Variants in KAZN observed in about 807,000 individuals in gnomAD.
The protein encoded by KAZN is kazrin.
In KAZN, 40 loss-of-function variants were observed where a neutral mutation model predicts 87.4. The ratio of observed to expected loss-of-function variants is 0.46; its 90% confidence interval spans 0.36 to 0.60. The LOEUF (loss-of-function observed/expected upper bound fraction) is 0.60. KAZN is among the 20% of genes least tolerant of loss of function. KAZN has a pLI of 0.00. For synonymous variants in KAZN, 466 were observed against 458.3 expected (o/e 1.02, Z -0.22); for missense variants, 898 against 1,073.9 (o/e 0.84, Z 2.29).
At chr1:14,479,738 C>T (rs1668964835) in intron 2 of KAZN, among the ~76,000 whole-genome samples, 1 of 152,138 alleles carries the variant, frequency 6.6e-6, no homozygotes, top group Non-Finnish European at 1.5e-5. Context: ...GTGGCATGAT[C>T]CCCTTCCTCT....
At chr1:14,209,169 C>T (rs1249773289) in intron 2 of KAZN, among the ~76,000 whole-genome samples, 1 of 152,216 alleles carries the variant, frequency 6.6e-6, no homozygotes, top group East Asian at 1.9e-4. Context: ...ATCCCTCCTT[C>T]GTGCTGACCC....
intron 2 of KAZN, among the ~76,000 whole-genome samples, chr1:14,387,027 T>C (rs1661973552): frequency 6.6e-6 from 1 of 152,310 alleles, no homozygotes; most frequent in East Asian, 1.9e-4. Flanking sequence ...TTTATTTTTT[T>C]CTCTAAACTT....
chr1:14,132,623 GAGCAAAATCAA>G (rs1645014775), intron 1 of KAZN, among the ~76,000 whole-genome samples: 1 of 152,218 alleles, frequency 6.6e-6, no homozygotes, highest in Admixed American at 6.5e-5. Flanking sequence ...GCATGCTGGA[GAGCAAAATCAA>G]CAAGCATTCA....
chr1:14,165,136 C>G (rs1229704999), intron 1 of KAZN, among the ~76,000 whole-genome samples: 1 of 151,878 alleles, frequency 6.6e-6, no homozygotes, highest in African/African-American at 2.4e-5. Flanking sequence ...GTGTACATAG[C>G]TAGTTTTATG....
chr1:14,290,619 G>A (rs781133253), intron 2 of KAZN, among the ~76,000 whole-genome samples: 7 of 152,132 alleles, frequency 4.6e-5, no homozygotes, highest in Non-Finnish European at 8.8e-5. Context: ...CGATGGGTTT[G>A]AACATCCTCC....
chr1:14,646,225 C>CA (rs1194859188), intron 1 of KAZN, among the ~76,000 whole-genome samples: 1 of 152,076 alleles, frequency 6.6e-6, no homozygotes, highest in African/African-American at 2.4e-5. Flanking sequence ...TTATACATCT[C>CA]AAAAAACATC....
intron 1 of KAZN, among the ~76,000 whole-genome samples, chr1:14,100,229 A>T (rs1172977248): frequency 6.6e-6 from 1 of 151,946 alleles, no homozygotes; most frequent in East Asian, 1.9e-4. Flanking sequence ...TAAATCCCCC[A>T]CTTGAGGTGG....
chr1:14,426,411 C>G (rs1490012680), intron 2 of KAZN, among the ~76,000 whole-genome samples: 9 of 152,196 alleles, frequency 5.9e-5, no homozygotes, highest in African/African-American at 2.2e-4. Context: ...AGATTGTACA[C>G]TTCATGAGGG....
chr1:14,267,685 A>G (rs1651601069), intron 2 of KAZN, among the ~76,000 whole-genome samples: 1 of 152,212 alleles, frequency 6.6e-6, no homozygotes, highest in Non-Finnish European at 1.5e-5. Flanking sequence ...CAGAAAAGCT[A>G]TAATGTGTGC....
chr1:13,923,572 CA>C (rs58947999), intron 1 of KAZN, among the ~76,000 whole-genome samples: 2,927 of 55,896 alleles, frequency 0.052, 64 homozygotes, highest in African/African-American at 0.17. Flanking sequence ...GACTCCATCT[CA>C]AAAAAAAAAA....
At chr1:14,685,935 G>A (rs1044506635) in intron 1 of KAZN, among the ~76,000 whole-genome samples, 1 of 152,212 alleles carries the variant, frequency 6.6e-6, no homozygotes, top group East Asian at 1.9e-4. Context: ...CTGATCATTG[G>A]TGAAGAAACT....
chr1:14,751,719 T>C (rs1411972617), intron 1 of KAZN, among the ~76,000 whole-genome samples: 1 of 152,174 alleles, frequency 6.6e-6, no homozygotes, highest in East Asian at 1.9e-4. Context: ...GGCTATGGAA[T>C]GGCAAATGCT....
intron 2 of KAZN, among the ~76,000 whole-genome samples, chr1:14,392,255 G>C (rs1557685613): frequency 6.6e-6 from 1 of 152,124 alleles, no homozygotes; most frequent in Non-Finnish European, 1.5e-5. Flanking sequence ...GTTTTAGAAA[G>C]AAAAGGTAAG....
chr1:14,408,939 C>A (rs1664084584), intron 2 of KAZN, among the ~76,000 whole-genome samples: 1 of 151,830 alleles, frequency 6.6e-6, no homozygotes, highest in Non-Finnish European at 1.5e-5. Context: ...GAGATGGGGT[C>A]AGGAAGGATC....
At chr1:14,791,273 G>T (rs528201072) in intron 1 of KAZN, among the ~76,000 whole-genome samples, 1 of 152,240 alleles carries the variant, frequency 6.6e-6, no homozygotes, top group East Asian at 1.9e-4. Context: ...GCATCTTCCC[G>T]CCAGCTTGGG....
At chr1:14,117,382 G>A (rs187098425) in intron 1 of KAZN, among the ~76,000 whole-genome samples, 15 of 152,274 alleles carry the variant, frequency 9.9e-5, no homozygotes, top group Admixed American at 2.0e-4. Context: ...ATTTCCCTGC[G>A]CAAGCTTCTT....
chr1:14,925,493 C>T (rs1202256804), intron 1 of KAZN, among the ~76,000 whole-genome samples: 1 of 152,170 alleles, frequency 6.6e-6, no homozygotes, highest in Non-Finnish European at 1.5e-5. Flanking sequence ...TATCACAACC[C>T]TGGGAGTGAG....
chr1:14,675,247 C>T (rs770198411), intron 1 of KAZN, among the ~76,000 whole-genome samples: 7 of 152,166 alleles, frequency 4.6e-5, no homozygotes, highest in Non-Finnish European at 8.8e-5. Flanking sequence ...GGTTGTCTGA[C>T]GTTGAACTTG....
intron 3 of KAZN, among the ~76,000 whole-genome samples, chr1:15,041,341 T>TTTTTTTTG (rs1553178782): frequency 2.0e-5 from 3 of 146,684 alleles, no homozygotes; most frequent in South Asian, 2.2e-4. Context: ...CTTTTTTTTT[T>TTTTTTTTG]TTTTTGTTTT....
Sources: gnomAD v4.1 joint callset for allele counts (sites outside exome capture counted in the v4.1 genomes callset) on GRCh38, gnomAD v4.1.1 for gene constraint, MANE v1.5 for transcripts, NCBI Gene and HGNC (gene_info 2026-07-23, HGNC 2026-07-21) for gene names.